SULF2: variants seen among roughly 807,000 people sequenced by gnomAD.
The protein encoded by SULF2 is extracellular sulfatase Sulf-2.
A neutral mutation model predicts 107.7 loss-of-function variants in SULF2; 52 were observed. That is an observed-to-expected ratio of 0.48 (90% CI 0.39 to 0.61). SULF2 has a LOEUF of 0.61. Among genes scored for constraint, SULF2 ranks in the 20% least tolerant of loss-of-function variants. The pLI, the probability that SULF2 is intolerant of heterozygous loss-of-function variation, is 0.00. For missense variants in SULF2, 993 were observed against 1,177.3 expected (o/e 0.84, Z 2.29); for synonymous variants, 460 against 464.3 (o/e 0.99, Z 0.12).
At chr20:47,723,798 G>A (rs1453226493) in intron 3 of SULF2, among the ~76,000 whole-genome samples, 1 of 152,194 alleles carries the variant, frequency 6.6e-6, no homozygotes, top group Non-Finnish European at 1.5e-5. Flanking sequence ...ACATTATAGT[G>A]AGATGTATAA....
intron 17 of SULF2, among the ~76,000 whole-genome samples, chr20:47,662,658 C>T (rs952915033): frequency 2.0e-5 from 3 of 152,140 alleles, no homozygotes; most frequent in South Asian, 2.1e-4. Flanking sequence ...GCTTACTGTA[C>T]GGAAGCACTT....
At chr20:47,757,606 T>G (rs1046546838) in intron 1 of SULF2, 143 bp from the exon 2 acceptor site, 1 of 461,582 alleles carries the variant, frequency 2.2e-6, no homozygotes, top group Non-Finnish European at 3.9e-6. Flanking sequence ...AAAACCGAAC[T>G]CCGCTGAAGT....
In SULF2 at chr20:47,678,577, C is replaced by A; in HGVS notation, c.1193+99G>T. On this transcript the variant is annotated intron_variant, in intron 8 of 20. Coordinates refer to ENST00000688720, the MANE Select transcript of SULF2 (RefSeq NM_001387048.1). The surrounding 1 kb of genome is among the most constrained non-coding windows in gnomAD (Gnocchi z 4.5). ...GGGACCTGAGAACCCCAGCTCCCGACCCTTGGAGACCCCACGTTCTAGACC... is the reference window on the plus strand; with the variant it reads ...GGGACCTGAGAACCCCAGCTCCCGAACCTTGGAGACCCCACGTTCTAGACC... The A allele has an allele frequency of 2.7e-6, 4 of 1,501,798 alleles. No homozygotes were observed. The highest frequency in any genetic ancestry group is 2.5e-5 in the South Asian group (2 of 80,076). The allele number at this position is 1,501,798 out of a possible 1,614,324, so 93.0% of individuals were successfully genotyped here. A position where few individuals can be genotyped will look rare whatever the true frequency, so the allele number is the denominator to read the frequency against.
rs1324449750 is a variant in SULF2 at position 47,665,908 on chromosome 20, C to T, written c.1851G>A (p.Leu617=). The T allele has an allele frequency of 2.4e-5, 38 of 1,614,100 alleles. No individual in the cohort carries two copies. The highest frequency in any genetic ancestry group is 3.1e-5 in the Non-Finnish European group (37 of 1,180,028). ...ENDTVQCDLD[L]YKSLQAWKDH... ...CTTTCCAGGCCTGCAGGGACTTGTA[C>T]AGGTCCAGGTCACACTGGACTGTGT... The change falls in exon 13 of 21, where the codon CTG becomes CTA. Residue 617 remains leucine (L), a synonymous_variant. Coordinates refer to ENST00000688720, the MANE Select transcript of SULF2 (RefSeq NM_001387048.1).
chr20:47,714,288 T>G (rs2089033932), intron 3 of SULF2, among the ~76,000 whole-genome samples: 1 of 152,198 alleles, frequency 6.6e-6, no homozygotes. Flanking sequence ...TTCCTTCAAA[T>G]CACTTCATTT....
intron 1 of SULF2, among the ~76,000 whole-genome samples, chr20:47,770,843 T>A (rs2146966439): frequency 6.6e-6 from 1 of 152,210 alleles, no homozygotes; most frequent in Admixed American, 6.5e-5. Flanking sequence ...GGCCTTGCAG[T>A]GGGGTCTGAT....
Position 47,757,201 on chromosome 20 carries a change from C to G in SULF2, c.163G>C (p.Asp55His). 2 of 1,555,998 alleles carry G rather than the reference C, an allele frequency of 1.3e-6. No homozygotes were observed. The highest frequency in any genetic ancestry group is 1.7e-6 in the Non-Finnish European group (2 of 1,148,726). The part of the protein sequence containing the change: ...NIILVLTDDQ[D>H]VELGSMQVMN... Reference sequence around the variant, plus strand: ...CCCCGAGGCTTACCCAGCTCCACATCCTGGTCGTCCGTCAGCACCAGGATG... The same window carrying G: ...CCCCGAGGCTTACCCAGCTCCACATGCTGGTCGTCCGTCAGCACCAGGATG... The change falls in exon 2 of 21, where the codon GAT (aspartate) becomes CAT (histidine). Residue 55 changes from aspartate to histidine, a missense_variant. Asp to His is a moderately conservative substitution (Grantham distance 81). This residue lies in a region of SULF2 where 388 missense variants were observed against 449.2 expected (regional missense o/e 0.86). Coordinates refer to ENST00000688720, the MANE Select transcript of SULF2 (RefSeq NM_001387048.1).
At chr20:47,785,683 C>G (rs1416150057), upstream of SULF2, among the ~76,000 whole-genome samples, 10 of 147,188 alleles carry the variant, frequency 6.8e-5, no homozygotes, top group East Asian at 1.8e-3. Flanking sequence ...TACCGCCCCC[C>G]GCTCGCCTGC....
intron 3 of SULF2, among the ~76,000 whole-genome samples, chr20:47,705,916 A>G (rs909149783): frequency 1.3e-5 from 2 of 150,678 alleles, no homozygotes; most frequent in Non-Finnish European, 2.9e-5. Context: ...CTCCTGCCTC[A>G]GCATCCCGAG....
At chr20:47,768,852 T>C (rs2090573733) in intron 1 of SULF2, among the ~76,000 whole-genome samples, 4 of 150,834 alleles carry the variant, frequency 2.7e-5, no homozygotes, top group South Asian at 2.1e-4. Context: ...CTCTATTTAC[T>C]CTCTGGCCTG....
chr20:47,728,283 G>A (rs1044083571), intron 3 of SULF2, among the ~76,000 whole-genome samples: 1 of 152,174 alleles, frequency 6.6e-6, no homozygotes, highest in African/African-American at 2.4e-5. Flanking sequence ...GCAAACCCAG[G>A]AGAAGAGCCA....
chr20:47,767,346 T>G (rs1398486689), intron 1 of SULF2, among the ~76,000 whole-genome samples: 1 of 152,216 alleles, frequency 6.6e-6, no homozygotes, highest in African/African-American at 2.4e-5. Flanking sequence ...CAGCTCCCAA[T>G]TTTCTTGGGA....
intron 5 of SULF2, chr20:47,686,419 G>C (rs1043022908): frequency 2.0e-5 from 3 of 152,274 alleles, no homozygotes; most frequent in Non-Finnish European, 4.4e-5. Context: ...CCATTGACAG[G>C]AGGCACTGTT....
At position 47,757,225 on chromosome 20, in the gene SULF2, T is replaced by C; in HGVS notation, c.139A>G (p.Ile47Val). The change falls in exon 2 of 21, where the codon ATC (isoleucine) becomes GTC (valine). Residue 47 changes from isoleucine to valine, a missense_variant. Physicochemically the swap from Ile to Val is conservative, Grantham distance 29. This residue lies in a region of SULF2 where 388 missense variants were observed against 449.2 expected (regional missense o/e 0.86). Coordinates refer to ENST00000688720, the MANE Select transcript of SULF2 (RefSeq NM_001387048.1). ...RDRRNIRPNI[I>V]LVLTDDQDVE... ...TCCTGGTCGTCCGTCAGCACCAGGA[T>C]GATGTTGGGGCGGATGTTCCTGCGG... 1 of 1,564,074 alleles carries C rather than the reference T, an allele frequency of 6.4e-7. No individual in the cohort carries two copies. Among genetic ancestry groups the C allele is most frequent in the Non-Finnish European group, 8.7e-7 (1 of 1,153,370 alleles).
At chr20:47,682,371 G>C (rs1274105868) in intron 7 of SULF2, among the ~76,000 whole-genome samples, 2 of 152,200 alleles carry the variant, frequency 1.3e-5, no homozygotes, top group African/African-American at 4.8e-5. Flanking sequence ...AACCTCATTT[G>C]AGCCAGCCTC....
chr20:47,735,496 C>T (rs768873445), intron 3 of SULF2, among the ~76,000 whole-genome samples: 7 of 152,178 alleles, frequency 4.6e-5, no homozygotes, highest in Non-Finnish European at 8.8e-5. Context: ...TGCTGTGCTG[C>T]GGGCCTGCCT....
Position 47,663,062 on chromosome 20 carries a change from G to A in SULF2, c.2370+8C>T. On this transcript the variant is annotated splice_region_variant and intron_variant, in intron 17 of 20. Transcript: ENST00000688720. ...CACCCCCATCCCTCTAGCTCGGGTT[G>A]CCTGTACCTGGTAGGGGTCTGTGTT... The A allele has an allele frequency of 3.1e-6, 5 of 1,614,090 alleles. No homozygotes were observed. Among genetic ancestry groups the A allele is most frequent in the Non-Finnish European group, 4.2e-6 (5 of 1,180,004 alleles).
In SULF2 at chr20:47,672,246, C is replaced by T; in HGVS notation, c.1528G>A (p.Asp510Asn). 4 of 1,613,296 alleles carry T rather than the reference C, an allele frequency of 2.5e-6. No homozygotes were observed. The South Asian group carries it at 3.3e-5, about 13-fold the overall frequency. Residue 510 changes from aspartate (D) to asparagine (N), a missense_variant, in exon 11 of 21, where the codon GAC becomes AAC. Physicochemically the swap from Asp to Asn is conservative, Grantham distance 23. Around this residue, in one of 3 missense-constraint regions of SULF2, gnomAD observed 497 missense variants for 544.1 expected, o/e 0.91. Transcript: ENST00000688720. ...CGTCCGGCCAGGCTGAGCTTGTAGTCCCCGCTGTCACAGGTGCAGGCCTCG... is the reference window on the plus strand; with the variant it reads ...CGTCCGGCCAGGCTGAGCTTGTAGTTCCCGCTGTCACAGGTGCAGGCCTCG... Reference protein sequence around the residue: ...GSEACTCDSGDYKLSLAGRRK... With the variant: ...GSEACTCDSGNYKLSLAGRRK...
chr20:47,677,032 G>C (rs903948297), intron 9 of SULF2, 46 bp downstream of exon 9: 9 of 1,599,550 alleles, frequency 5.6e-6, no homozygotes, highest in Non-Finnish European at 6.8e-6. Context: ...CCTGGGCAGA[G>C]GGAGGGAGGT....
Sources: allele counts gnomAD v4.1 joint callset (sites outside exome capture counted in the v4.1 genomes callset), GRCh38; gene constraint gnomAD v4.1.1; regional missense constraint gnomAD v4.1.1; non-coding constraint Gnocchi (gnomAD v3.1); transcripts MANE v1.5; gene names NCBI Gene and HGNC (gene_info 2026-07-23, HGNC 2026-07-21).